EPHB1: variants seen among roughly 807,000 people sequenced by gnomAD.
The protein encoded by EPHB1 is EPH receptor B1, also known as ephrin type-B receptor 1.
EPHB1 carries 30 observed loss-of-function variants against 94.4 expected under a neutral mutation model. The ratio of observed to expected loss-of-function variants is 0.32; its 90% CI spans 0.24 to 0.43. The LOEUF (loss-of-function observed/expected upper bound fraction) is 0.43, where lower values mean the gene tolerates loss of function less well. Among genes scored for constraint, EPHB1 ranks in the 20% least tolerant of loss-of-function variants. The probability of loss-of-function intolerance (pLI) is 1.00; values close to 1 mark genes in which losing one functional copy is unlikely to be tolerated. For synonymous variants in EPHB1, 522 were observed against 489.1 expected, an observed-to-expected ratio of 1.07 and a Z score of -0.89; for missense variants, 1,055 against 1,308.3, an observed-to-expected ratio of 0.81 and a Z score of 2.99.
chr3:135,042,484 T>TG (rs1328699544), intron 3 of EPHB1, among the ~76,000 whole-genome samples: 1 of 152,144 alleles, frequency 6.6e-6, no homozygotes, highest in Non-Finnish European at 1.5e-5. Context: ...TATGAGTATA[T>TG]GAAAAAAAAA....
chr3:135,141,290 A>T (rs909277889), intron 5 of EPHB1, among the ~76,000 whole-genome samples: 1 of 151,942 alleles, frequency 6.6e-6, no homozygotes, highest in South Asian at 2.1e-4. Flanking sequence ...CCCTTCTCTG[A>T]ATTGTGCTTG....
At chr3:134,986,711 A>AACACACACACACAC (rs60628273) in intron 3 of EPHB1, among the ~76,000 whole-genome samples, 2,373 of 145,670 alleles carry the variant, frequency 0.016, 30 homozygotes, top group East Asian at 0.047. Context: ...TAAAGATATT[A>AACACACACACACAC]ACACACACAC....
At chr3:134,855,122 A>G (rs961936384) in intron 1 of EPHB1, among the ~76,000 whole-genome samples, 1 of 152,194 alleles carries the variant, frequency 6.6e-6, no homozygotes, top group Non-Finnish European at 1.5e-5. Flanking sequence ...TTAGTAATAC[A>G]TATATATTTT....
At chr3:135,156,524 A>G (rs1348396234) in intron 6 of EPHB1, among the ~76,000 whole-genome samples, 1 of 152,184 alleles carries the variant, frequency 6.6e-6, no homozygotes, top group Non-Finnish European at 1.5e-5. Flanking sequence ...TTTTACATTT[A>G]TAGAATGGTA....
intron 3 of EPHB1, among the ~76,000 whole-genome samples, chr3:134,955,093 T>A (rs1933207222): frequency 7.4e-5 from 5 of 67,372 alleles, no homozygotes; most frequent in African/African-American, 2.3e-4. Context: ...TTTTTTTTTT[T>A]TTTTTTTTTT....
At chr3:134,847,597 G>C (rs1010292708) in intron 1 of EPHB1, among the ~76,000 whole-genome samples, 2 of 152,180 alleles carry the variant, frequency 1.3e-5, no homozygotes, top group Non-Finnish European at 1.5e-5. Context: ...GTAAGGTGCT[G>C]ACTAAGTCTG....
chr3:134,940,593 C>G (rs1158414963), intron 2 of EPHB1, among the ~76,000 whole-genome samples: 1 of 152,174 alleles, frequency 6.6e-6, no homozygotes, highest in East Asian at 1.9e-4. Context: ...TTCTGGTTGC[C>G]CTCTGTGCCT....
intron 1 of EPHB1, among the ~76,000 whole-genome samples, chr3:134,893,116 C>A (rs2038018871): frequency 6.6e-6 from 1 of 152,176 alleles, no homozygotes; most frequent in Non-Finnish European, 1.5e-5. Context: ...CCAGTACGGT[C>A]CACCTCCCTG....
At chr3:135,054,944 T>G (rs1026635851) in intron 3 of EPHB1, among the ~76,000 whole-genome samples, 3 of 152,218 alleles carry the variant, frequency 2.0e-5, no homozygotes, top group Non-Finnish European at 4.4e-5. Context: ...AAATTTAGTA[T>G]GAAATTAACA....
At chr3:135,256,834 C>T (rs1041128249) in intron 15 of EPHB1, among the ~76,000 whole-genome samples, 1 of 151,546 alleles carries the variant, frequency 6.6e-6, no homozygotes, top group African/African-American at 2.4e-5. Flanking sequence ...TTCCATTCTC[C>T]CCATCACTTT....
chr3:134,824,829 A>C (rs1023918764), intron 1 of EPHB1, among the ~76,000 whole-genome samples: 5 of 152,120 alleles, frequency 3.3e-5, no homozygotes, highest in African/African-American at 7.2e-5. Context: ...CTTCCAGCTG[A>C]CAGCCAGCAC....
chr3:134,897,641 C>G (rs2038113848), intron 1 of EPHB1, among the ~76,000 whole-genome samples: 1 of 152,202 alleles, frequency 6.6e-6, no homozygotes, highest in Non-Finnish European at 1.5e-5. Context: ...CCGTCATTCC[C>G]TTGCACTGTT....
At chr3:134,903,610 A>G (rs567166226) in intron 1 of EPHB1, among the ~76,000 whole-genome samples, 2 of 152,212 alleles carry the variant, frequency 1.3e-5, no homozygotes, top group East Asian at 3.9e-4. Flanking sequence ...CTGTCCACTC[A>G]TGTATACTTC....
intron 3 of EPHB1, among the ~76,000 whole-genome samples, chr3:134,999,130 C>T (rs1935092788): frequency 6.6e-6 from 1 of 152,120 alleles, no homozygotes; most frequent in South Asian, 2.1e-4. Context: ...ATTTCAGAAC[C>T]ATGATGGAGA....
intron 3 of EPHB1, among the ~76,000 whole-genome samples, chr3:134,989,666 A>T (rs1020811434): frequency 6.6e-6 from 1 of 152,242 alleles, no homozygotes; most frequent in Non-Finnish European, 1.5e-5. Flanking sequence ...AGATGTGATC[A>T]CGGTAATCTT....
At chr3:134,854,478 G>T (rs1286556089) in intron 1 of EPHB1, among the ~76,000 whole-genome samples, 1 of 152,172 alleles carries the variant, frequency 6.6e-6, no homozygotes, top group African/African-American at 2.4e-5. Context: ...CCATCAGCCC[G>T]CACTGAGGAG....
At chr3:134,801,968 C>G (rs1425798651) in intron 1 of EPHB1, among the ~76,000 whole-genome samples, 7 of 152,218 alleles carry the variant, frequency 4.6e-5, no homozygotes, top group African/African-American at 1.7e-4. Context: ...TGATGGAAAA[C>G]CACTTTCTAT....
At chr3:134,866,097 C>G (rs1165883400) in intron 1 of EPHB1, among the ~76,000 whole-genome samples, 1 of 152,178 alleles carries the variant, frequency 6.6e-6, no homozygotes, top group Admixed American at 6.5e-5. Flanking sequence ...AGGCTGCCTG[C>G]CCCTGTCCTG....
chr3:134,925,082 A>G (rs754482752), intron 1 of EPHB1, among the ~76,000 whole-genome samples: 1 of 152,256 alleles, frequency 6.6e-6, no homozygotes, highest in Non-Finnish European at 1.5e-5. Flanking sequence ...GACGGCTCCT[A>G]GGAGCTCACA....
Sources: allele counts gnomAD v4.1 joint callset (sites outside exome capture counted in the v4.1 genomes callset), GRCh38; gene constraint gnomAD v4.1.1; transcripts MANE v1.5; gene names NCBI Gene and HGNC (gene_info 2026-07-23, HGNC 2026-07-21).